The following SIN3A variants were observed in gnomAD, a reference collection of about 807,000 sequenced individuals.
SIN3A encodes the protein paired amphipathic helix protein Sin3a.
A neutral mutation model predicts 146.1 loss-of-function variants in SIN3A; 14 were observed. The ratio of observed to expected loss-of-function variants is 0.10; its 90% CI spans 0.06 to 0.15. The LOEUF is 0.15. Among genes scored for constraint, SIN3A ranks in the 10% least tolerant of loss-of-function variants. SIN3A has a pLI of 1.00. For missense variants in SIN3A, 1,028 were observed against 1,576.0 expected, an observed-to-expected ratio of 0.65 and a Z score of 5.89; for synonymous variants, 572 against 572.0, an observed-to-expected ratio of 1.00 and a Z score of 0.00.
Position 75,371,737 on chromosome 15 carries a change from G to C in SIN3A, c.*242C>G. 1 of 504,152 alleles carries C rather than the reference G, an allele frequency of 2.0e-6. No homozygotes were observed. The highest frequency in any genetic ancestry group is 3.5e-6 in the Non-Finnish European group (1 of 284,436). 31.2% of individuals were successfully genotyped at this position (504,152 alleles called of 1,614,324 possible). A position where few individuals can be genotyped will look rare whatever the true frequency, so the allele number is the denominator to read the frequency against. ...TGCATGGACTTCCTTCCCCTCCAGG[G>C]CAGGCTATACCCAAAACCCTTTGGG... On this transcript the variant is annotated 3_prime_UTR_variant, in exon 21 of 21. Coordinates refer to ENST00000394947, the MANE Select transcript of SIN3A (RefSeq NM_001145358.2).
At chr15:75,454,193 C>G (rs961118986), upstream of SIN3A, among the ~76,000 whole-genome samples, 65 of 152,252 alleles carry the variant, frequency 4.3e-4, no homozygotes, top group African/African-American at 1.5e-3. Flanking sequence ...TAAACTCCAG[C>G]CCGGCCTCCC....
intron 8 of SIN3A, among the ~76,000 whole-genome samples, chr15:75,409,498 G>A (rs1187134381): frequency 3.3e-5 from 5 of 151,728 alleles, no homozygotes; most frequent in African/African-American, 4.8e-5. Flanking sequence ...AGGCCGAGGC[G>A]GGCAGATCAT....
At chr15:75,409,696 C>T in intron 8 of SIN3A, 140 bp downstream of exon 8, 1 of 883,936 alleles carries the variant, frequency 1.1e-6, no homozygotes. Context: ...CACTGCACTC[C>T]AGCTTGGGCG....
intron 1 of SIN3A, among the ~76,000 whole-genome samples, chr15:75,433,415 C>G (rs1299771687): frequency 1.3e-5 from 2 of 152,112 alleles, no homozygotes; most frequent in Non-Finnish European, 2.9e-5. Context: ...TATCTTTTGG[C>G]TGTTAAAATA....
intron 6 of SIN3A, among the ~76,000 whole-genome samples, chr15:75,410,961 G>A (rs2073626541): frequency 7.9e-6 from 1 of 126,688 alleles, no homozygotes; most frequent in African/African-American, 3.2e-5. Flanking sequence ...GGCAAAAAGA[G>A]CAAAACTCTG....
At chr15:75,437,770 T>G (rs2074131852) in intron 1 of SIN3A, among the ~76,000 whole-genome samples, 1 of 152,068 alleles carries the variant, frequency 6.6e-6, no homozygotes, top group African/African-American at 2.4e-5. Context: ...CTATCAGAAC[T>G]CTAGTCTAGG....
intron 1 of SIN3A, among the ~76,000 whole-genome samples, chr15:75,442,564 A>G (rs2074235065): frequency 6.8e-6 from 1 of 146,596 alleles, no homozygotes. Flanking sequence ...GAACAGCTTG[A>G]GCTCAGGAAT....
At chr15:75,415,334 C>T (rs1476239971) in intron 3 of SIN3A, 1 of 152,902 alleles carries the variant, frequency 6.5e-6, no homozygotes, top group Non-Finnish European at 1.5e-5. Context: ...TGATCCGCCA[C>T]GGAGCACTGA....
In SIN3A at chr15:75,430,160, C is replaced by G. The variant is rs753859437; in HGVS notation, c.189+27G>C. Reference sequence around the variant, plus strand: ...AAACCACTATTTCTCTTCCCTCATTCTAGTCCCTTGGTTGGCTCCAGCTTA... The same window carrying G: ...AAACCACTATTTCTCTTCCCTCATTGTAGTCCCTTGGTTGGCTCCAGCTTA... On this transcript the variant is annotated intron_variant, in intron 2 of 20. Transcript: ENST00000394947. 17 of 1,571,898 alleles carry G rather than the reference C, an allele frequency of 1.1e-5. 1 individual carries two copies. Among genetic ancestry groups the G allele is most frequent in the Non-Finnish European group, 1.5e-5 (17 of 1,142,268 alleles).
At chr15:75,397,235 G>A (rs900596287) in intron 12 of SIN3A, among the ~76,000 whole-genome samples, 2 of 152,184 alleles carry the variant, frequency 1.3e-5, no homozygotes, top group Non-Finnish European at 2.9e-5. Flanking sequence ...ACTGTTTGCA[G>A]AAGTGTTCCC....
chr15:75,387,228 TA>T (rs1453487834), intron 16 of SIN3A, among the ~76,000 whole-genome samples: 10 of 152,060 alleles, frequency 6.6e-5, no homozygotes, highest in Non-Finnish European at 1.5e-4. Flanking sequence ...GAAAATGTTT[TA>T]AAAAGTCACT....
intron 2 of SIN3A, among the ~76,000 whole-genome samples, chr15:75,423,632 C>A (rs897812785): frequency 6.6e-6 from 1 of 152,094 alleles, no homozygotes; most frequent in African/African-American, 2.4e-5. Context: ...GAGCCAAGAT[C>A]GTGCCACTGC....
chr15:75,388,021 A>G (rs1323426421), intron 16 of SIN3A, among the ~76,000 whole-genome samples: 1 of 152,186 alleles, frequency 6.6e-6, no homozygotes, highest in Non-Finnish European at 1.5e-5. Context: ...TCCTGTGTAG[A>G]TACTGTGGGA....
chr15:75,408,289 G>A (rs1343168390), intron 8 of SIN3A, among the ~76,000 whole-genome samples: 3 of 152,152 alleles, frequency 2.0e-5, no homozygotes, highest in African/African-American at 7.2e-5. Flanking sequence ...TTGAAATGAA[G>A]AAATAGAAAC....
chr15:75,393,928 C>T (rs2073255766), intron 14 of SIN3A, among the ~76,000 whole-genome samples: 1 of 152,146 alleles, frequency 6.6e-6, no homozygotes, highest in South Asian at 2.1e-4. Context: ...CCACCTCATT[C>T]TGCCGAGTAG....
chr15:75,393,299 G>A (rs1286081437), intron 14 of SIN3A, among the ~76,000 whole-genome samples: 1 of 152,204 alleles, frequency 6.6e-6, no homozygotes, highest in Non-Finnish European at 1.5e-5. Flanking sequence ...GGTAATGACA[G>A]AGACGTGGTT....
chr15:75,441,448 G>C (rs551329166), intron 1 of SIN3A, among the ~76,000 whole-genome samples: 1 of 152,130 alleles, frequency 6.6e-6, no homozygotes, highest in Non-Finnish European at 1.5e-5. Flanking sequence ...TGGGACTACA[G>C]AGTGGCTAAT....
rs2073642745 is a variant in SIN3A, at chr15:75,411,691, G to A, written c.809C>T (p.Pro270Leu). 6.2e-7 allele frequency: 1 copy of A among 1,613,176 alleles called. No individual in the cohort carries two copies. The highest frequency in any genetic ancestry group is 1.3e-5 in the African/African-American group (1 of 74,926). Residue 270 changes from proline (P) to leucine (L), a missense_variant, in exon 6 of 21, where the codon CCA becomes CTA. Physicochemically the swap from Pro to Leu is moderately conservative, Grantham distance 98 (BLOSUM62 -3). Transcript: ENST00000394947. ...TPASQQTPPL[P>L]PYASPRSPPV... The stretch of plus-strand genomic sequence containing the variant: ...CGGAGAACGTGGGGATGCATACGGT[G>A]GAAGTGGGGGAGTCTGCTGACTGGC...
intron 1 of SIN3A, among the ~76,000 whole-genome samples, chr15:75,449,532 T>C (rs2074364034): frequency 6.6e-6 from 1 of 152,218 alleles, no homozygotes; most frequent in Non-Finnish European, 1.5e-5. Flanking sequence ...GGTTCTGCTA[T>C]CTAAATCTGA....
Sources: gnomAD v4.1 joint callset for allele counts (sites outside exome capture counted in the v4.1 genomes callset) on GRCh38, gnomAD v4.1.1 for gene constraint, MANE v1.5 for transcripts, NCBI Gene and HGNC (gene_info 2026-07-23, HGNC 2026-07-21) for gene names.